The following RBFOX1 variants were observed in gnomAD, a reference collection of about 807,000 sequenced individuals.
RBFOX1 encodes RNA binding protein fox-1 homolog 1.
A neutral mutation model predicts 57.7 loss-of-function variants in RBFOX1; 8 were observed. That is an observed-to-expected ratio of 0.14 (90% CI 0.08 to 0.25). The LOEUF (loss-of-function observed/expected upper bound fraction) is 0.25, where lower values mean the gene tolerates loss of function less well. RBFOX1 is among the 10% of genes least tolerant of loss of function. RBFOX1 has a pLI of 1.00. For missense variants in RBFOX1, 611 were observed against 548.5 expected, an observed-to-expected ratio of 1.11 and a Z score of -1.14; for synonymous variants, 326 against 222.4, an observed-to-expected ratio of 1.47 and a Z score of -4.15.
At position 6,462,703 on chromosome 16, in the gene RBFOX1, C is replaced by T. The variant is rs545630518; in HGVS notation, c.-64+145646C>T. On this transcript the variant is annotated intron_variant, in intron 2 of 15. Transcript: ENST00000550418. ...AATATTACCATGTTTTTACCCCCCA[C>T]CGCCCCCCACACACAAAATTGGAGC... 4.0e-5 allele frequency among the ~76,000 whole-genome samples: 6 copies of T among 150,838 alleles called. No homozygotes were observed. In the South Asian group the frequency reaches 6.4e-4, roughly 16 times the overall value.
At chr16:6,661,866 A>C (rs1214446742) in intron 3 of RBFOX1, among the ~76,000 whole-genome samples, 1 of 152,180 alleles carries the variant, frequency 6.6e-6, no homozygotes, top group Non-Finnish European at 1.5e-5. Flanking sequence ...GGACCTCTAT[A>C]CTGTTGTGCA....
intron 4 of RBFOX1, among the ~76,000 whole-genome samples, chr16:7,189,293 GC>G (rs1409957964): frequency 6.6e-6 from 1 of 151,766 alleles, no homozygotes; most frequent in Non-Finnish European, 1.5e-5. Context: ...GGGCGTGGTG[GC>G]GGGCGCCTGA....
intron 5 of RBFOX1, among the ~76,000 whole-genome samples, chr16:7,544,003 G>T (rs1201611303): frequency 6.6e-6 from 1 of 152,150 alleles, no homozygotes; most frequent in Non-Finnish European, 1.5e-5. Flanking sequence ...ATAGGCGTAA[G>T]CCACCACTCC....
chr16:7,324,105 G>T (rs1432232723), intron 4 of RBFOX1, among the ~76,000 whole-genome samples: 3 of 152,136 alleles, frequency 2.0e-5, no homozygotes, highest in African/African-American at 7.2e-5. Flanking sequence ...TTCCCAAGAG[G>T]AAGACAGGGC....
chr16:7,229,755 AGAGAGGGAGG>A (rs2093376625), intron 4 of RBFOX1, among the ~76,000 whole-genome samples: 14 of 82,564 alleles, frequency 1.7e-4, no homozygotes, highest in Non-Finnish European at 2.9e-4. Flanking sequence ...AGGAAGGGAG[AGAGAGGGAGG>A]AAGGGAGAGA....
intron 3 of RBFOX1, among the ~76,000 whole-genome samples, chr16:5,798,965 C>A (rs959554648): frequency 6.6e-6 from 1 of 152,114 alleles, no homozygotes; most frequent in Admixed American, 6.5e-5. Context: ...GTGAGCCACT[C>A]TGAAACTCAG....
At chr16:7,015,278 A>T (rs2093852486) in intron 3 of RBFOX1, among the ~76,000 whole-genome samples, 1 of 152,130 alleles carries the variant, frequency 6.6e-6, no homozygotes, top group South Asian at 2.1e-4. Flanking sequence ...TGGGACTGCA[A>T]ATCAGAAACT....
chr16:6,636,213 C>T (rs867415125), intron 2 of RBFOX1, among the ~76,000 whole-genome samples: 1 of 152,142 alleles, frequency 6.6e-6, no homozygotes, highest in African/African-American at 2.4e-5. Flanking sequence ...CTCTGTCGCC[C>T]AGGCTGGAGT....
chr16:5,445,924 A>T lies in RBFOX1; in HGVS notation c.220-21292A>T, dbSNP rs183471700. On this transcript the variant is annotated intron_variant, in intron 1 of 2. Transcript: ENST00000585867. ...TATTTTACTCCCCAGGTATGCTTTG[A>T]GTGGGAATGTGAGGAGTAAGAAGAA... Among the ~76,000 whole-genome samples, 273 of 152,266 alleles carry T rather than the reference A, an allele frequency of 1.8e-3. 1 individual carries two copies. Among genetic ancestry groups the T allele is most frequent in the Middle Eastern group, 6.8e-3 (2 of 294 alleles).
intron 1 of RBFOX1, among the ~76,000 whole-genome samples, chr16:6,081,037 G>A (rs2095993366): frequency 1.3e-5 from 2 of 152,206 alleles, no homozygotes; most frequent in African/African-American, 2.4e-5. Context: ...ACTTGACGGA[G>A]TCATGTGAGG....
chr16:6,950,589 A>C (rs895409861), intron 3 of RBFOX1, among the ~76,000 whole-genome samples: 1 of 152,190 alleles, frequency 6.6e-6, no homozygotes, highest in Non-Finnish European at 1.5e-5. Context: ...CCATAGCATT[A>C]AGATAATACA....
chr16:7,680,226 T>C (rs1343640175), intron 14 of RBFOX1, among the ~76,000 whole-genome samples: 2 of 152,144 alleles, frequency 1.3e-5, no homozygotes, highest in Admixed American at 1.3e-4. Flanking sequence ...GGTTTGTGTA[T>C]TATGACTTGG....
At chr16:6,506,564 T>C (rs891210579) in intron 2 of RBFOX1, among the ~76,000 whole-genome samples, 10 of 151,372 alleles carry the variant, frequency 6.6e-5, no homozygotes, top group African/African-American at 2.4e-4. Flanking sequence ...CAGTGTAGTC[T>C]AGACTCACCT....
chr16:6,747,426 ATCAGTCAG>A (rs1322802860), intron 3 of RBFOX1, among the ~76,000 whole-genome samples: 1 of 143,132 alleles, frequency 7.0e-6, no homozygotes, highest in African/African-American at 2.7e-5. Flanking sequence ...AAAAAAATCT[ATCAGTCAG>A]TCAGTCAGTT....
intron 2 of RBFOX1, among the ~76,000 whole-genome samples, chr16:6,342,905 G>A (rs2084786334): frequency 6.6e-6 from 1 of 152,120 alleles, no homozygotes. Context: ...TGAGAAATCT[G>A]ATGAAATCAG....
At chr16:7,187,869 A>G (rs1602307585) in intron 4 of RBFOX1, among the ~76,000 whole-genome samples, 1 of 152,112 alleles carries the variant, frequency 6.6e-6, no homozygotes, top group African/African-American at 2.4e-5. Flanking sequence ...TATGGCGGTC[A>G]TATTGGAAAA....
intron 4 of RBFOX1, among the ~76,000 whole-genome samples, chr16:7,063,542 C>T (rs1435059968): frequency 6.6e-6 from 1 of 152,144 alleles, no homozygotes; most frequent in South Asian, 2.1e-4. Context: ...TATTTTTAAG[C>T]CATTTCTCAA....
At chr16:7,366,651 T>C (rs975350637) in intron 4 of RBFOX1, among the ~76,000 whole-genome samples, 5 of 152,158 alleles carry the variant, frequency 3.3e-5, no homozygotes, top group African/African-American at 1.2e-4. Flanking sequence ...GTTTTCTTTT[T>C]TTTTTTTCCC....
At chr16:6,103,870 G>T (rs1007577704) in intron 1 of RBFOX1, among the ~76,000 whole-genome samples, 2 of 152,158 alleles carry the variant, frequency 1.3e-5, no homozygotes, top group African/African-American at 2.4e-5. Flanking sequence ...TTACTTTTTG[G>T]TACCTGAAAT....
Sources: gnomAD v4.1 joint callset for allele counts (sites outside exome capture counted in the v4.1 genomes callset) on GRCh38, gnomAD v4.1.1 for gene constraint, MANE v1.5 for transcripts, NCBI Gene and HGNC (gene_info 2026-07-23, HGNC 2026-07-21) for gene names.